Variants in FER observed in about 807,000 individuals in gnomAD.
The protein encoded by FER is FER tyrosine kinase.
FER carries 63 observed loss-of-function variants against 111.0 expected under a neutral mutation model. The ratio of observed to expected loss-of-function variants is 0.57; its 90% confidence interval spans 0.46 to 0.70. The LOEUF is 0.70. Ranked by LOEUF, FER falls within the 30% of genes least tolerant of loss-of-function variation. FER has a pLI of 0.00. For synonymous variants in FER, 327 were observed against 313.9 expected, an observed-to-expected ratio of 1.04 and a Z score of -0.44; for missense variants, 914 against 954.0, an observed-to-expected ratio of 0.96 and a Z score of 0.55.
chr5:109,002,823 T>A (rs966471200), intron 13 of FER, among the ~76,000 whole-genome samples: 10 of 152,196 alleles, frequency 6.6e-5, no homozygotes, highest in Non-Finnish European at 1.5e-4. Flanking sequence ...CAGACACTTC[T>A]CAAAAGAAGA....
rs1307781164 is a variant in FER at position 109,187,868 on chromosome 5, T to C, written c.*293T>C. The C allele has an allele frequency of 2.5e-6, 1 of 392,924 alleles. No homozygotes were observed. Among genetic ancestry groups the C allele is most frequent in the African/African-American group, 2.1e-5 (1 of 48,402 alleles). The allele number at this position is 392,924 out of a possible 1,614,324, so 24.3% of individuals were successfully genotyped here. A position where few individuals can be genotyped will look rare whatever the true frequency, so the allele number is the denominator to read the frequency against. The stretch of plus-strand genomic sequence containing the variant: ...TTCTAAGTGTGTGAAGGATAAAAGA[T>C]CTATCCTATCCTTTTCACACCTTGT... On this transcript the variant is annotated 3_prime_UTR_variant, in exon 20 of 20. Coordinates refer to ENST00000281092, the MANE Select transcript of FER (RefSeq NM_005246.4).
chr5:108,939,879 G>A (rs1457175945), intron 10 of FER, among the ~76,000 whole-genome samples: 1 of 151,982 alleles, frequency 6.6e-6, no homozygotes, highest in African/African-American at 2.4e-5. Context: ...TATTATTGAT[G>A]CATGTACAGT....
In FER at chr5:108,883,524, T is replaced by C. The variant is rs1207228232; in HGVS notation, c.1046+6T>C. 1.3e-6 allele frequency: 2 copies of C among 1,573,278 alleles called. No homozygotes were observed. Among genetic ancestry groups the C allele is most frequent in the Middle Eastern group, 1.7e-4 (1 of 5,880 alleles). On this transcript the variant is annotated splice_donor_region_variant and intron_variant, in intron 9 of 19. Coordinates refer to ENST00000281092, the MANE Select transcript of FER (RefSeq NM_005246.4). The stretch of plus-strand genomic sequence containing the variant: ...ACTTGTGAGAAGAAGTCTGAGTGAG[T>C]AAAAGAGAAACAATTTGAAGGAAGA...
chr5:109,158,356 T>C (rs575100982), intron 17 of FER, among the ~76,000 whole-genome samples: 1 of 151,944 alleles, frequency 6.6e-6, no homozygotes, highest in Non-Finnish European at 1.5e-5. Context: ...TGAGCTCTAA[T>C]CAGAACACTT....
intron 16 of FER, among the ~76,000 whole-genome samples, chr5:109,055,750 G>A (rs1262933177): frequency 7.5e-6 from 1 of 134,184 alleles, no homozygotes; most frequent in African/African-American, 2.8e-5. Context: ...TCATGCCACT[G>A]ATCACAACAG....
chr5:109,025,025 T>A (rs1369646058), intron 13 of FER, among the ~76,000 whole-genome samples: 1 of 152,090 alleles, frequency 6.6e-6, no homozygotes, highest in East Asian at 1.9e-4. Flanking sequence ...TACTGTAGCT[T>A]TGTAGTATAG....
intron 2 of FER, chr5:108,784,314 C>T (rs1171003523): frequency 6.5e-6 from 1 of 153,126 alleles, no homozygotes; most frequent in Non-Finnish European, 1.5e-5. Context: ...GTCACCTCCT[C>T]AGATGGTCAC....
intron 8 of FER, among the ~76,000 whole-genome samples, chr5:108,876,854 A>G (rs1765140856): frequency 6.6e-6 from 1 of 152,196 alleles, no homozygotes; most frequent in Admixed American, 6.5e-5. Context: ...ATGGCCATCA[A>G]AAAATTTTCA....
Position 109,108,070 on chromosome 5 carries a change from A to G in FER, c.2048+7551A>G, listed in dbSNP as rs1467667829. On this transcript the variant is annotated intron_variant, in intron 17 of 19. Transcript: ENST00000281092. ...TTGTGTGCAAGGGGATAGTTCTCAG[A>G]TGATGGGGCATGTACTAAAAGGCTT... is the stretch of plus-strand genomic sequence containing the variant. Among the ~76,000 whole-genome samples the G allele has an allele frequency of 7.2e-5, 11 of 152,172 alleles. No homozygotes were observed. In the South Asian group the frequency reaches 2.3e-3, roughly 31 times the overall value.
rs569167391 is a variant in FER at position 108,804,874 on chromosome 5, T to A, written c.207+6485T>A. 2.0e-5 allele frequency among the ~76,000 whole-genome samples: 3 copies of A among 152,210 alleles called. No individual in the cohort carries two copies. The South Asian group carries it at 6.2e-4, about 32-fold the overall frequency. ...CTTTTTAGAATGAATTAGGTAGAAT[T>A]CCCTCCTACTTGATTTTTTGGAATA... On this transcript the variant is annotated intron_variant, in intron 3 of 19. Transcript: ENST00000281092.
rs542768511 is a variant in FER, at chr5:109,146,516, T to G, written c.2049-34231T>G. ...TTTATCCACATTTCCTCTGTTATTATTATAATTGTTTTAGCTGTCTTGTTT... is the reference window on the plus strand; with the variant it reads ...TTTATCCACATTTCCTCTGTTATTAGTATAATTGTTTTAGCTGTCTTGTTT... On this transcript the variant is annotated intron_variant, in intron 17 of 19. Transcript: ENST00000281092. Among the ~76,000 whole-genome samples the G allele has an allele frequency of 8.2e-4, 124 of 151,826 alleles. 2 individuals carry two copies. In the Middle Eastern group the frequency reaches 0.01, roughly 12 times the overall value.
At chr5:108,756,774 C>T (rs762431244) in intron 1 of FER, among the ~76,000 whole-genome samples, 9 of 151,866 alleles carry the variant, frequency 5.9e-5, no homozygotes, top group Non-Finnish European at 8.8e-5. Context: ...CTTTCTCCTA[C>T]ACACACACAC....
intron 10 of FER, among the ~76,000 whole-genome samples, chr5:108,937,495 C>T (rs1003738914): frequency 9.2e-5 from 14 of 151,812 alleles, no homozygotes; most frequent in African/African-American, 3.4e-4. Context: ...GAAGTTGAGA[C>T]ATAAAAGAGA....
chr5:108,938,273 A>G (rs543355286), intron 10 of FER, among the ~76,000 whole-genome samples: 17 of 152,108 alleles, frequency 1.1e-4, no homozygotes, highest in African/African-American at 4.1e-4. Flanking sequence ...TATAATAGGT[A>G]GAGAATTTTA....
At chr5:109,053,365 A>C (rs1773117154) in intron 16 of FER, among the ~76,000 whole-genome samples, 1 of 144,986 alleles carries the variant, frequency 6.9e-6, no homozygotes, top group Non-Finnish European at 1.5e-5. Context: ...CCTCAGCGAA[A>C]GAGTGAGACT....
intron 3 of FER, among the ~76,000 whole-genome samples, chr5:108,806,516 G>C (rs1561447715): frequency 6.6e-6 from 1 of 152,224 alleles, no homozygotes; most frequent in African/African-American, 2.4e-5. Context: ...CTCACCAACA[G>C]TCTGTGAAAG....
At chr5:109,003,791 G>A (rs1359461863) in intron 13 of FER, among the ~76,000 whole-genome samples, 1 of 151,898 alleles carries the variant, frequency 6.6e-6, no homozygotes, top group East Asian at 1.9e-4. Flanking sequence ...ATCAGCCTAG[G>A]CATCATAGAG....
intron 17 of FER, among the ~76,000 whole-genome samples, chr5:109,125,045 CAAAA>C (rs373849561): frequency 4.0e-5 from 3 of 75,614 alleles, no homozygotes; most frequent in East Asian, 4.5e-4. Flanking sequence ...GACTCTGTCT[CAAAA>C]AAAAAAAAAA....
intron 17 of FER, among the ~76,000 whole-genome samples, chr5:109,149,949 C>T (rs1335875374): frequency 5.3e-5 from 8 of 152,142 alleles, no homozygotes; most frequent in East Asian, 3.9e-4. Context: ...AAATCAGCAA[C>T]GCATTAGATT....
Sources: gnomAD v4.1 joint callset for allele counts (sites outside exome capture counted in the v4.1 genomes callset) on GRCh38, gnomAD v4.1.1 for gene constraint, MANE v1.5 for transcripts, NCBI Gene and HGNC (gene_info 2026-07-23, HGNC 2026-07-21) for gene names.